Variants in INIP observed in about 807,000 individuals in gnomAD.
INIP encodes INTS3 and NABP interacting protein.
In INIP, 9 loss-of-function variants were observed where a neutral mutation model predicts 14.0. The ratio of observed to expected loss-of-function variants is 0.64; its 90% CI spans 0.39 to 1.12. INIP has a LOEUF of 1.12. INIP is among the 50% of genes most tolerant of loss of function. The pLI is 0.01. For missense variants in INIP, 78 were observed against 122.7 expected (o/e 0.64, Z 1.72); for synonymous variants, 37 against 41.5 (o/e 0.89, Z 0.41).
chr9:112,716,642 A>G, intron 1 of INIP, 101 bp from the exon 2 acceptor site: 6 of 651,246 alleles, frequency 9.2e-6, no homozygotes. Flanking sequence ...CTGTTTCTTA[A>G]TCTCTTCAGA....
At chr9:112,693,845 C>T (rs1239408636) in intron 3 of INIP, among the ~76,000 whole-genome samples, 2 of 152,176 alleles carry the variant, frequency 1.3e-5, no homozygotes, top group East Asian at 1.9e-4. Flanking sequence ...GAGACCAAGG[C>T]GGGTGGATCA....
At chr9:112,688,508 CTG>C (rs1390837197) in intron 4 of INIP, among the ~76,000 whole-genome samples, 2 of 150,066 alleles carry the variant, frequency 1.3e-5, no homozygotes, top group East Asian at 2.0e-4. Context: ...AAAAAAAAGA[CTG>C]TTTTTAAGTC....
chr9:112,688,055 C>G (rs1837744683), intron 4 of INIP, among the ~76,000 whole-genome samples: 1 of 151,868 alleles, frequency 6.6e-6, no homozygotes, highest in South Asian at 2.1e-4. Flanking sequence ...CACTGCACTC[C>G]AGCCTGGGCG....
chr9:112,686,964 T>A lies in INIP; in HGVS notation c.*574A>T, dbSNP rs775349214. ...TATAAGAGCATATGTTTATAAAAGA[T>A]GGTTAAGACTGGTTAGTAATTTATT... On this transcript the variant is annotated 3_prime_UTR_variant, in exon 5 of 5. Transcript: ENST00000374242. 6.6e-6 allele frequency: 1 copy of A among 152,250 alleles called. No homozygotes were observed. The highest frequency in any genetic ancestry group is 1.5e-5 in the Non-Finnish European group (1 of 68,066). The allele number at this position is 152,250 out of a possible 1,614,324, so 9.4% of individuals were successfully genotyped here. A position where few individuals can be genotyped will look rare whatever the true frequency, so the allele number is the denominator to read the frequency against.
In INIP at chr9:112,686,553, G is replaced by A. The variant is rs1837674423; in HGVS notation, c.*985C>T. ...TCACTGTCACCCAGGCTGGAGTGCAGTGACACCGTCTCAGCTCACTGCAAC... is the reference window on the plus strand; with the variant it reads ...TCACTGTCACCCAGGCTGGAGTGCAATGACACCGTCTCAGCTCACTGCAAC... On this transcript the variant is annotated 3_prime_UTR_variant, in exon 5 of 5. Coordinates refer to ENST00000374242, the MANE Select transcript of INIP (RefSeq NM_021218.3). The A allele has an allele frequency of 6.6e-6, 1 of 152,188 alleles. No individual in the cohort carries two copies. The highest frequency in any genetic ancestry group is 2.4e-5 in the African/African-American group (1 of 41,434). The allele number at this position is 152,188 out of a possible 1,614,324, so 9.4% of individuals were successfully genotyped here.
rs553376600 is a variant in INIP, at chr9:112,708,965, TACTC to T, written c.25+7492_25+7495del. Among the ~76,000 whole-genome samples, 39 of 152,216 alleles carry T rather than the reference TACTC, an allele frequency of 2.6e-4. No homozygotes were observed. In the East Asian group the frequency reaches 7.3e-3, roughly 29 times the overall value. The stretch of plus-strand genomic sequence containing the variant: ...CCTATATCTTGCAAGATTAAAAAAT[TACTC>T]AATCATTAGCCACCTTTCAGAGTTT... On this transcript the variant is annotated intron_variant, in intron 2 of 4. Coordinates refer to ENST00000374242, the MANE Select transcript of INIP (RefSeq NM_021218.3).
intron 2 of INIP, among the ~76,000 whole-genome samples, chr9:112,714,477 TAGC>T (rs1729242331): frequency 6.6e-6 from 1 of 152,248 alleles, no homozygotes; most frequent in Non-Finnish European, 1.5e-5. Context: ...AACTCCTTGA[TAGC>T]AGCAAATGTG....
intron 3 of INIP, among the ~76,000 whole-genome samples, chr9:112,692,705 A>C (rs1007678991): frequency 2.0e-5 from 3 of 151,702 alleles, no homozygotes; most frequent in Non-Finnish European, 4.4e-5. Flanking sequence ...ACTAGCAGCA[A>C]TTGCAGTAAT....
intron 2 of INIP, among the ~76,000 whole-genome samples, chr9:112,716,032 T>C (rs1209499230): frequency 2.6e-5 from 4 of 152,254 alleles, no homozygotes; most frequent in African/African-American, 4.8e-5. Context: ...TCAGCACAAG[T>C]GTATTTCAAA....
chr9:112,688,066 A>C (rs1837745996), intron 4 of INIP, among the ~76,000 whole-genome samples: 1 of 151,014 alleles, frequency 6.6e-6, no homozygotes, highest in African/African-American at 2.5e-5. Context: ...AGCCTGGGCG[A>C]CAGAGCGAGA....
intron 2 of INIP, among the ~76,000 whole-genome samples, chr9:112,713,702 T>C (rs554770561): frequency 7.9e-5 from 12 of 151,620 alleles, no homozygotes; most frequent in African/African-American, 2.9e-4. Flanking sequence ...AAAAAAAAGG[T>C]ATCTGAGGCC....
chr9:112,697,930 C>T (rs1838148165), intron 2 of INIP, among the ~76,000 whole-genome samples: 1 of 152,146 alleles, frequency 6.6e-6, no homozygotes, highest in African/African-American at 2.4e-5. Flanking sequence ...TATGGAAATC[C>T]TTCCATAAAC....
chr9:112,696,846 A>AC (rs1230650544), intron 2 of INIP, among the ~76,000 whole-genome samples: 1 of 152,232 alleles, frequency 6.6e-6, no homozygotes, highest in Non-Finnish European at 1.5e-5. Context: ...CGGGCCAGGC[A>AC]CGTGGGAAGG....
At chr9:112,690,005 G>GC (rs1564221810) in intron 3 of INIP, among the ~76,000 whole-genome samples, 16 of 151,332 alleles carry the variant, frequency 1.1e-4, no homozygotes, top group Non-Finnish European at 2.2e-4. Flanking sequence ...CTTTATAGGG[G>GC]TAAAAAAAAA....
chr9:112,707,638 G>A (rs1224352596), intron 2 of INIP, among the ~76,000 whole-genome samples: 3 of 151,882 alleles, frequency 2.0e-5, no homozygotes, highest in Non-Finnish European at 4.4e-5. Context: ...CACACTTAAA[G>A]ACTAACTGAA....
intron 3 of INIP, among the ~76,000 whole-genome samples, chr9:112,690,226 C>T (rs979758567): frequency 3.9e-5 from 6 of 152,160 alleles, no homozygotes; most frequent in African/African-American, 1.2e-4. Context: ...CGTGGTGGCT[C>T]ATGCCTGTAA....
chr9:112,697,556 C>G (rs1450642606), intron 2 of INIP, among the ~76,000 whole-genome samples: 1 of 152,136 alleles, frequency 6.6e-6, no homozygotes, highest in Admixed American at 6.5e-5. Flanking sequence ...AACACTCCAG[C>G]CTGGTCAACA....
At chr9:112,690,366 G>A (rs943374877) in intron 3 of INIP, among the ~76,000 whole-genome samples, 4 of 152,170 alleles carry the variant, frequency 2.6e-5, no homozygotes, top group African/African-American at 7.2e-5. Flanking sequence ...ATGTGCCTGC[G>A]ATTCCAGCTA....
chr9:112,695,068 G>A (rs1281057973), intron 2 of INIP, among the ~76,000 whole-genome samples: 1 of 152,110 alleles, frequency 6.6e-6, no homozygotes, highest in Non-Finnish European at 1.5e-5. Context: ...CTGGCAACAA[G>A]TGATCTATAT....
Sources: gnomAD v4.1 joint callset for allele counts (sites outside exome capture counted in the v4.1 genomes callset) on GRCh38, gnomAD v4.1.1 for gene constraint, MANE v1.5 for transcripts, NCBI Gene and HGNC (gene_info 2026-07-23, HGNC 2026-07-21) for gene names.